Variants in FRMPD4 observed in about 807,000 individuals in gnomAD.
FRMPD4 encodes FERM and PDZ domain-containing protein 4.
In FRMPD4, 22 loss-of-function variants were observed where a neutral mutation model predicts 94.1. That is an observed-to-expected ratio of 0.23 (90% CI 0.17 to 0.33). The LOEUF (loss-of-function observed/expected upper bound fraction) is 0.33, where lower values mean the gene tolerates loss of function less well. Among genes scored for constraint, FRMPD4 ranks in the 10% least tolerant of loss-of-function variants. The pLI, the probability that FRMPD4 is intolerant of heterozygous loss-of-function variation, is 1.00. For synonymous variants in FRMPD4, 631 were observed against 548.6 expected (o/e 1.15, Z -2.10); for missense variants, 1,111 against 1,339.9 (o/e 0.83, Z 2.67).
chrX:12,085,242 AT>A (rs1219086482), intron 3 of FRMPD4, among the ~76,000 whole-genome samples: 1 of 112,494 alleles, frequency 8.9e-6, no homozygotes, highest in Non-Finnish European at 1.9e-5. Flanking sequence ...GTGTATTTCT[AT>A]TTTGTAAAAT....
chrX:12,609,165 T>C (rs1489373740), intron 2 of FRMPD4, among the ~76,000 whole-genome samples: 1 of 111,758 alleles, frequency 8.9e-6, no homozygotes, highest in East Asian at 2.8e-4. Context: ...ATCATAAAGT[T>C]CTCCATCCTC....
chrX:11,965,863 T>G, intron 3 of FRMPD4, among the ~76,000 whole-genome samples: 1 of 112,395 alleles, frequency 8.9e-6, no homozygotes, highest in East Asian at 2.8e-4. Flanking sequence ...AAGCAACGAC[T>G]TTATGTTCCA....
intron 4 of FRMPD4, among the ~76,000 whole-genome samples, chrX:12,641,287 C>T (rs559506225): frequency 9.0e-6 from 1 of 110,949 alleles, no homozygotes; most frequent in East Asian, 2.8e-4. Flanking sequence ...CACAGGGAAG[C>T]TCCAGATACT....
intron 3 of FRMPD4, among the ~76,000 whole-genome samples, chrX:12,000,527 A>G (rs1487477450): frequency 8.9e-6 from 1 of 111,898 alleles, no homozygotes; most frequent in Non-Finnish European, 1.9e-5. Context: ...TTATAGAGAA[A>G]TTGTCAAACA....
At chrX:12,220,127 G>A (rs1029011295) in intron 1 of FRMPD4, among the ~76,000 whole-genome samples, 10 of 107,442 alleles carry the variant, frequency 9.3e-5, no homozygotes, top group Non-Finnish European at 1.7e-4. Flanking sequence ...GGCAACAAGA[G>A]TGAAACTTTG....
intron 1 of FRMPD4, among the ~76,000 whole-genome samples, chrX:12,482,335 G>T (rs6641017): frequency 1.8e-5 from 2 of 112,558 alleles, no homozygotes; most frequent in Non-Finnish European, 3.8e-5. Context: ...AATGAAACTA[G>T]AAGGGCTGGT....
chrX:12,280,247 AAAT>A (rs374670611), intron 1 of FRMPD4, among the ~76,000 whole-genome samples: 11,756 of 102,157 alleles, frequency 0.12, 588 homozygotes, highest in Admixed American at 0.17. Flanking sequence ...GGCTGCTTTA[AAAT>A]AATAATAATA....
At chrX:12,680,031 T>C (rs1343339165) in intron 5 of FRMPD4, among the ~76,000 whole-genome samples, 2 of 111,988 alleles carry the variant, frequency 1.8e-5, no homozygotes, top group African/African-American at 6.5e-5. Flanking sequence ...GCTATATAAG[T>C]AATACTGTAC....
intron 1 of FRMPD4, among the ~76,000 whole-genome samples, chrX:12,304,719 T>C (rs943143676): frequency 8.9e-6 from 1 of 111,737 alleles, no homozygotes; most frequent in Non-Finnish European, 1.9e-5. Context: ...ATTCACTCAC[T>C]TGAGGCAAAA....
intron 2 of FRMPD4, among the ~76,000 whole-genome samples, chrX:12,569,618 AAG>A (rs768099024): frequency 7.1e-4 from 80 of 112,721 alleles, no homozygotes; most frequent in South Asian, 4.4e-3. Context: ...AACTTTTACT[AAG>A]AGTTTGTGCT....
chrX:12,388,818 GATATATATATATATATATAT>G lies in FRMPD4; in HGVS notation c.42-109848_42-109829del, dbSNP rs3068660. Among the ~76,000 whole-genome samples, 7 of 60,729 alleles carry G rather than the reference GATATATATATATATATATAT, an allele frequency of 1.2e-4. No individual in the cohort carries two copies. The East Asian group carries it at 2.5e-3, about 21-fold the overall frequency. The allele number at this position is 60,729 out of a possible 115,157, so 52.7% of individuals were successfully genotyped here. ...ACGGATGAATGGATAAAGAAAATGT[GATATATATATATATATATAT>G]ATATATATATATACACACAATGGAG... On this transcript the variant is annotated intron_variant, in intron 1 of 16. Coordinates refer to ENST00000675598, the MANE Select transcript of FRMPD4 (RefSeq NM_001368397.1).
chrX:12,090,351 G>A (rs1340096052), intron 3 of FRMPD4, among the ~76,000 whole-genome samples: 1 of 110,372 alleles, frequency 9.1e-6, no homozygotes, highest in Admixed American at 9.8e-5. Context: ...CTTCTGCCAG[G>A]ATTGTAAGTT....
At chrX:12,074,661 A>G (rs1006492415) in intron 3 of FRMPD4, among the ~76,000 whole-genome samples, 3 of 112,130 alleles carry the variant, frequency 2.7e-5, no homozygotes, top group Non-Finnish European at 5.6e-5. Context: ...TGGTTTTTAT[A>G]TTCTATTAGG....
In FRMPD4 at chrX:12,707,674, C is replaced by G. The variant is rs750721384; in HGVS notation, c.1470+23C>G. On this transcript the variant is annotated intron_variant, in intron 13 of 16. Coordinates refer to ENST00000675598, the MANE Select transcript of FRMPD4 (RefSeq NM_001368397.1). ...AAGGCAAGTTTCTCAGGTGTTGACA[C>G]ATGGCCTTGCTGTCAACAGCTAATT... The G allele has an allele frequency of 8.9e-6, 10 of 1,127,880 alleles. No homozygotes were observed. The African/African-American group carries it at 1.6e-4, about 18-fold the overall frequency. The allele number at this position is 1,127,880 out of a possible 1,213,427, so 92.9% of individuals were successfully genotyped here.
At chrX:12,398,641 C>T (rs760637451) in intron 1 of FRMPD4, among the ~76,000 whole-genome samples, 12 of 111,579 alleles carry the variant, frequency 1.1e-4, no homozygotes, top group Admixed American at 1.9e-4. Context: ...GGTCCTAAAA[C>T]GCCAGTTTCT....
At chrX:12,293,969 T>G (rs1433363454) in intron 1 of FRMPD4, among the ~76,000 whole-genome samples, 2 of 112,406 alleles carry the variant, frequency 1.8e-5, no homozygotes, top group Admixed American at 1.9e-4. Flanking sequence ...TTCACTGATC[T>G]GAAGTGGTGA....
chrX:11,970,264 G>C (rs986340743), intron 3 of FRMPD4, among the ~76,000 whole-genome samples: 1 of 112,143 alleles, frequency 8.9e-6, no homozygotes, highest in Non-Finnish European at 1.9e-5. Context: ...TAGTACATTT[G>C]TCTCTTCCTG....
intron 16 of FRMPD4, 40 bp from the exon 17 acceptor site, chrX:12,720,494 C>CT: frequency 1.6e-5 from 19 of 1,189,338 alleles, no homozygotes; most frequent in Non-Finnish European, 1.9e-5. Flanking sequence ...CCAGGAGATG[C>CT]TTAATGATTC....
At chrX:12,031,723 G>T (rs927343202) in intron 3 of FRMPD4, among the ~76,000 whole-genome samples, 3 of 111,791 alleles carry the variant, frequency 2.7e-5, no homozygotes, top group Admixed American at 1.9e-4. Flanking sequence ...AGAGCAACTG[G>T]ATTTTGTTGA....
Sources: gnomAD v4.1 joint callset for allele counts (sites outside exome capture counted in the v4.1 genomes callset) on GRCh38, gnomAD v4.1.1 for gene constraint, MANE v1.5 for transcripts, NCBI Gene and HGNC (gene_info 2026-07-23, HGNC 2026-07-21) for gene names.